Variants in NKAIN3 observed in about 807,000 individuals in gnomAD.
NKAIN3 encodes the protein sodium/potassium-transporting ATPase subunit beta-1-interacting protein 3.
NKAIN3 carries 25 observed loss-of-function variants against 30.2 expected under a neutral mutation model. That is an observed-to-expected ratio of 0.83 (90% confidence interval 0.60 to 1.16). The LOEUF is 1.16. NKAIN3 is among the 50% of genes most tolerant of loss of function. The probability of loss-of-function intolerance (pLI) is 0.00; values close to 1 mark genes in which losing one functional copy is unlikely to be tolerated. For synonymous variants in NKAIN3, 91 were observed against 89.6 expected, an observed-to-expected ratio of 1.02 and a Z score of -0.09; for missense variants, 225 against 254.1, an observed-to-expected ratio of 0.89 and a Z score of 0.78.
chr8:62,604,076 G>A (rs945421618), intron 3 of NKAIN3, among the ~76,000 whole-genome samples: 2 of 152,068 alleles, frequency 1.3e-5, no homozygotes, highest in Non-Finnish European at 2.9e-5. Context: ...AACTGCCCAA[G>A]GAAGAGAGTC....
intron 1 of NKAIN3, among the ~76,000 whole-genome samples, chr8:62,369,764 T>A (rs766703187): frequency 6.7e-6 from 1 of 149,944 alleles, no homozygotes; most frequent in African/African-American, 2.4e-5. Flanking sequence ...AGTCTGTTGT[T>A]TTTTTTTTTA....
intron 1 of NKAIN3, among the ~76,000 whole-genome samples, chr8:62,369,745 C>T (rs1816849161): frequency 6.6e-6 from 1 of 151,780 alleles, no homozygotes; most frequent in South Asian, 2.1e-4. Flanking sequence ...ATTATTTGAA[C>T]TCCCCCCAAG....
At chr8:62,377,581 A>G (rs1348260021) in intron 1 of NKAIN3, among the ~76,000 whole-genome samples, 1 of 152,144 alleles carries the variant, frequency 6.6e-6, no homozygotes, top group Admixed American at 6.5e-5. Flanking sequence ...ACCAAATTTC[A>G]TCTTGAATTA....
rs186516897 is a variant in NKAIN3, at chr8:62,981,549, A to G, written c.*16142A>G. 1.3e-5 allele frequency: 2 copies of G among 152,172 alleles called. No individual in the cohort carries two copies. The highest frequency in any genetic ancestry group is 2.9e-5 in the Non-Finnish European group (2 of 68,028). 9.4% of individuals were successfully genotyped at this position (152,172 alleles called of 1,614,324 possible). A position where few individuals can be genotyped will look rare whatever the true frequency, so the allele number is the denominator to read the frequency against. On this transcript the variant is annotated 3_prime_UTR_variant, in exon 7 of 7. Coordinates refer to ENST00000623646, the MANE Select transcript of NKAIN3 (RefSeq NM_001304533.3). ...ACAAAGCTCTTTCTCATCCTGTGGT[A>G]GGAACTTAGGAGTGATAACTCACAT...
In NKAIN3 at chr8:62,804,037, A is replaced by G. The variant is rs1012482943; in HGVS notation, c.471+56908A>G. ...AGCAGAAATGGATAAATTCCTTGAC[A>G]CATACACCCTCCCAAGATTAACCAG... On this transcript the variant is annotated intron_variant, in intron 4 of 6. Transcript: ENST00000623646. Among the ~76,000 whole-genome samples the G allele has an allele frequency of 1.3e-4, 20 of 152,202 alleles. 1 individual carries two copies.
chr8:62,276,688 T>C (rs1169568732), intron 1 of NKAIN3, among the ~76,000 whole-genome samples: 2 of 152,238 alleles, frequency 1.3e-5, no homozygotes, highest in South Asian at 2.1e-4. Context: ...AAAAAAGTAA[T>C]GTTCAAGAGA....
chr8:62,318,528 GC>G (rs924774922), intron 1 of NKAIN3, among the ~76,000 whole-genome samples: 100 of 152,028 alleles, frequency 6.6e-4, no homozygotes, highest in African/African-American at 2.3e-3. Context: ...GTTGTCAAAG[GC>G]CTTTTCTTCA....
chr8:62,713,698 G>T (rs1814799896), intron 3 of NKAIN3, among the ~76,000 whole-genome samples: 1 of 152,068 alleles, frequency 6.6e-6, no homozygotes, highest in South Asian at 2.1e-4. Flanking sequence ...CTCAAATCAA[G>T]AACAGATTGA....
intron 4 of NKAIN3, among the ~76,000 whole-genome samples, chr8:62,789,514 A>G (rs574059261): frequency 6.6e-6 from 1 of 152,220 alleles, no homozygotes; most frequent in Non-Finnish European, 1.5e-5. Context: ...TCCTAATTGA[A>G]TGCCCTGTAT....
chr8:62,992,167 C>T lies in NKAIN3; in HGVS notation c.533-7064C>T, dbSNP rs142454921. Among the ~76,000 whole-genome samples, 81 of 152,092 alleles carry T rather than the reference C, an allele frequency of 5.3e-4. No homozygotes were observed. In the East Asian group the frequency reaches 0.014, roughly 27 times the overall value. On this transcript the variant is annotated intron_variant, in intron 5 of 5. Transcript: ENST00000519049. The stretch of plus-strand genomic sequence containing the variant: ...TAGCTGGGATTACAGGCATGCACCA[C>T]CACACCCAGCTAATTTTTGTATTTA...
At position 62,618,596 on chromosome 8, in the gene NKAIN3, CAAGAAGA is replaced by C. The variant is rs916136853; in HGVS notation, c.273+28815_273+28821del. Among the ~76,000 whole-genome samples, 13 of 151,310 alleles carry C rather than the reference CAAGAAGA, an allele frequency of 8.6e-5. No homozygotes were observed. The South Asian group carries it at 1.3e-3, about 15-fold the overall frequency. On this transcript the variant is annotated intron_variant, in intron 3 of 6. Transcript: ENST00000623646. ...TTGCTTTCCCCTCCACTAAAAGAAACAAGAAGAAAGAAGAAAGAAAGAAAGAAGGCCA... is the reference window on the plus strand; with the variant it reads ...TTGCTTTCCCCTCCACTAAAAGAAACAAGAAGAAAGAAAGAAAGAAGGCCA...
intron 1 of NKAIN3, among the ~76,000 whole-genome samples, chr8:62,345,420 C>T (rs1424070138): frequency 8.8e-6 from 1 of 113,256 alleles, no homozygotes; most frequent in Non-Finnish European, 1.8e-5. Context: ...TATATATACA[C>T]ATATATACAC....
intron 3 of NKAIN3, among the ~76,000 whole-genome samples, chr8:62,600,281 A>G (rs1045394493): frequency 2.6e-5 from 4 of 152,060 alleles, no homozygotes; most frequent in African/African-American, 9.7e-5. Context: ...TTGACATAAA[A>G]ATGAATGAAA....
At chr8:62,356,426 G>C (rs1391687264) in intron 1 of NKAIN3, among the ~76,000 whole-genome samples, 1 of 152,074 alleles carries the variant, frequency 6.6e-6, no homozygotes, top group Admixed American at 6.6e-5. Flanking sequence ...TTATGTATTT[G>C]TTTATGATGT....
Position 62,294,698 on chromosome 8 carries a change from G to A in NKAIN3, c.54+45571G>A, listed in dbSNP as rs891550093. 9.3e-5 allele frequency among the ~76,000 whole-genome samples: 14 copies of A among 151,166 alleles called. No homozygotes were observed. The East Asian group carries it at 9.7e-4, about 10-fold the overall frequency. On this transcript the variant is annotated intron_variant, in intron 1 of 6. Coordinates refer to ENST00000623646, the MANE Select transcript of NKAIN3 (RefSeq NM_001304533.3). ...GACCACAAGCACGTGTCACCATGCT[G>A]GTAAATTTTTGTATTTTAATTTTTT...
chr8:62,980,543 G>A lies in NKAIN3; in HGVS notation c.*15136G>A, dbSNP rs1277325972. On this transcript the variant is annotated 3_prime_UTR_variant, in exon 7 of 7. Transcript: ENST00000623646. Reference sequence around the variant, plus strand: ...CCTTCATCAAAACTTGCGTTGTGTTGTGCAGCCTTTTCTTTGCATTGTCCA... The same window carrying A: ...CCTTCATCAAAACTTGCGTTGTGTTATGCAGCCTTTTCTTTGCATTGTCCA... 1 of 152,156 alleles carries A rather than the reference G, an allele frequency of 6.6e-6. No homozygotes were observed. The highest frequency in any genetic ancestry group is 2.4e-5 in the African/African-American group (1 of 41,436). 9.4% of individuals were successfully genotyped at this position (152,156 alleles called of 1,614,324 possible).
intron 3 of NKAIN3, among the ~76,000 whole-genome samples, chr8:62,684,783 G>C (rs899648793): frequency 1.3e-5 from 2 of 152,106 alleles, no homozygotes; most frequent in Admixed American, 1.3e-4. Flanking sequence ...CATGATTGAT[G>C]CCCTTATGAG....
chr8:62,768,559 G>A (rs1156947015), intron 4 of NKAIN3, among the ~76,000 whole-genome samples: 2 of 152,114 alleles, frequency 1.3e-5, no homozygotes, highest in South Asian at 4.1e-4. Flanking sequence ...GTCATTCCTT[G>A]CTCTGAGTTC....
intron 5 of NKAIN3, among the ~76,000 whole-genome samples, chr8:62,945,691 C>CT (rs1200009535): frequency 6.6e-6 from 1 of 152,182 alleles, no homozygotes; most frequent in Non-Finnish European, 1.5e-5. Context: ...CTTACATTCA[C>CT]TTGGGGCACA....
Sources: allele counts gnomAD v4.1 joint callset (sites outside exome capture counted in the v4.1 genomes callset), GRCh38; gene constraint gnomAD v4.1.1; transcripts MANE v1.5; gene names NCBI Gene and HGNC (gene_info 2026-07-23, HGNC 2026-07-21).